MACROD1: variants seen among roughly 807,000 people sequenced by gnomAD.
MACROD1 encodes the protein mono-ADP ribosylhydrolase 1, also known as ADP-ribose glycohydrolase MACROD1.
Under a neutral mutation model 41.4 loss-of-function variants are expected in MACROD1, and 31 were observed. The observed-to-expected ratio is 0.75, with a 90% CI of 0.56 to 1.01. The LOEUF is 1.01. MACROD1 is among the 50% of genes least tolerant of loss of function. The probability of loss-of-function intolerance (pLI) is 0.00; values close to 1 mark genes in which losing one functional copy is unlikely to be tolerated. For synonymous variants in MACROD1, 252 were observed against 203.4 expected (o/e 1.24, Z -2.03); for missense variants, 473 against 460.0 (o/e 1.03, Z -0.26).
chr11:64,001,508 C>T (rs373116633), intron 4 of MACROD1: 14 of 702,306 alleles, frequency 2.0e-5, no homozygotes, highest in Non-Finnish European at 3.6e-5. Context: ...CGGCACAGTT[C>T]CAGGGATGCC....
chr11:64,026,719 A>C (rs1943228496), intron 3 of MACROD1, among the ~76,000 whole-genome samples: 1 of 151,818 alleles, frequency 6.6e-6, no homozygotes, highest in Admixed American at 6.6e-5. Context: ...CTCCCCCACA[A>C]TTTCCTGGCC....
chr11:64,101,971 G>A (rs1057291366), intron 3 of MACROD1, among the ~76,000 whole-genome samples: 1 of 152,186 alleles, frequency 6.6e-6, no homozygotes, highest in African/African-American at 2.4e-5. Context: ...GCCAGGCTGT[G>A]AGCCCCGTGG....
chr11:64,006,601 G>A (rs1384658673), intron 4 of MACROD1, among the ~76,000 whole-genome samples: 6 of 152,184 alleles, frequency 3.9e-5, no homozygotes, highest in Non-Finnish European at 7.3e-5. Flanking sequence ...AATCACTCCC[G>A]TTATTAAAAA....
intron 3 of MACROD1, among the ~76,000 whole-genome samples, chr11:64,040,068 G>A (rs906637088): frequency 6.6e-6 from 1 of 152,222 alleles, no homozygotes; most frequent in Admixed American, 6.5e-5. Flanking sequence ...TAATCATTGA[G>A]CATTAGTTAT....
At chr11:64,028,576 CTT>C in intron 3 of MACROD1, among the ~76,000 whole-genome samples, 1 of 152,234 alleles carries the variant, frequency 6.6e-6, no homozygotes, top group Admixed American at 6.5e-5. Flanking sequence ...GCGGCCCAGC[CTT>C]TCTGCTCAGC....
At chr11:64,054,380 C>T (rs1019193804) in intron 3 of MACROD1, among the ~76,000 whole-genome samples, 45 of 152,334 alleles carry the variant, frequency 3.0e-4, no homozygotes, top group Admixed American at 6.5e-4. Flanking sequence ...TGAGTGCTTT[C>T]GGCAGCCAGC....
intron 3 of MACROD1, among the ~76,000 whole-genome samples, chr11:64,035,388 G>A (rs955396340): frequency 6.6e-6 from 1 of 152,142 alleles, no homozygotes; most frequent in African/African-American, 2.4e-5. Context: ...TGCACGGGTG[G>A]ACGGATGAAT....
chr11:64,119,379 C>T (rs1315809314), intron 3 of MACROD1, among the ~76,000 whole-genome samples: 1 of 152,192 alleles, frequency 6.6e-6, no homozygotes, highest in African/African-American at 2.4e-5. Flanking sequence ...GCTCTCCTTT[C>T]TGATACAGAT....
chr11:64,066,067 T>A (rs1943999778), intron 3 of MACROD1, among the ~76,000 whole-genome samples: 1 of 151,256 alleles, frequency 6.6e-6, no homozygotes, highest in African/African-American at 2.4e-5. Context: ...GGGGCTGAGG[T>A]GGGCGGATCA....
chr11:64,083,705 C>T (rs964245168), intron 3 of MACROD1, among the ~76,000 whole-genome samples: 15 of 152,320 alleles, frequency 9.8e-5, no homozygotes, highest in Non-Finnish European at 1.9e-4. Flanking sequence ...GAATGGGACT[C>T]GCCAGACTGG....
chr11:64,002,947 A>C (rs2134321618), intron 4 of MACROD1, among the ~76,000 whole-genome samples: 1 of 152,258 alleles, frequency 6.6e-6, no homozygotes, highest in African/African-American at 2.4e-5. Flanking sequence ...GGAGCTGACC[A>C]ACCCTTAGTC....
At chr11:64,148,115 G>A (rs1001902478) in intron 3 of MACROD1, among the ~76,000 whole-genome samples, 9 of 152,176 alleles carry the variant, frequency 5.9e-5, no homozygotes, top group Admixed American at 5.2e-4. Context: ...TGAGGGGGGC[G>A]GGCAGGGGGA....
At chr11:64,107,548 A>G (rs1233776441) in intron 3 of MACROD1, among the ~76,000 whole-genome samples, 2 of 152,234 alleles carry the variant, frequency 1.3e-5, no homozygotes, top group African/African-American at 2.4e-5. Flanking sequence ...CCTGTCTGCA[A>G]TTACCGCCAG....
In MACROD1 at chr11:64,166,075, G is replaced by A. The variant is rs571322147; in HGVS notation, c.-81C>T. The stretch of plus-strand genomic sequence containing the variant: ...GGAGTGTCTCTCCCTTATTTACTCT[G>A]GGACCGGGTGGCGACTGCCAGCCAG... On this transcript the variant is annotated 5_prime_UTR_variant, in exon 1 of 11. Coordinates refer to ENST00000255681, the MANE Select transcript of MACROD1 (RefSeq NM_014067.4). The A allele has an allele frequency of 1.6e-6, 2 of 1,226,088 alleles. No individual in the cohort carries two copies. The highest frequency in any genetic ancestry group is 3.2e-5 in the East Asian group (1 of 31,342). 76.0% of individuals were successfully genotyped at this position (1,226,088 alleles called of 1,614,324 possible).
At chr11:64,112,268 C>T (rs1201586183) in intron 3 of MACROD1, among the ~76,000 whole-genome samples, 1 of 152,190 alleles carries the variant, frequency 6.6e-6, no homozygotes, top group Non-Finnish European at 1.5e-5. Flanking sequence ...AATCCCAGTA[C>T]TTTGAGAGGC....
chr11:64,081,112 C>T (rs1188254994), intron 3 of MACROD1, among the ~76,000 whole-genome samples: 1 of 152,190 alleles, frequency 6.6e-6, no homozygotes, highest in Non-Finnish European at 1.5e-5. Context: ...ACCTCCACCT[C>T]CCAGGTTCAG....
At chr11:64,029,819 G>A (rs1484274591) in intron 3 of MACROD1, among the ~76,000 whole-genome samples, 2 of 152,210 alleles carry the variant, frequency 1.3e-5, no homozygotes, top group African/African-American at 2.4e-5. Context: ...AGTAAAGGAA[G>A]GTCTAAATCA....
intron 3 of MACROD1, among the ~76,000 whole-genome samples, chr11:64,144,600 G>T (rs1171897919): frequency 6.6e-6 from 1 of 151,906 alleles, no homozygotes; most frequent in Non-Finnish European, 1.5e-5. Context: ...ACCTGCTCTT[G>T]GCTTCCCCGA....
intron 1 of MACROD1, among the ~76,000 whole-genome samples, chr11:64,153,255 C>T (rs974889618): frequency 3.3e-5 from 5 of 152,196 alleles, no homozygotes; most frequent in East Asian, 3.9e-4. Context: ...CCTGCTGGCC[C>T]GAGGCCGCCT....
Sources: gnomAD v4.1 joint callset for allele counts (sites outside exome capture counted in the v4.1 genomes callset) on GRCh38, gnomAD v4.1.1 for gene constraint, MANE v1.5 for transcripts, NCBI Gene and HGNC (gene_info 2026-07-23, HGNC 2026-07-21) for gene names.